The following EBF1 variants were observed in gnomAD, a reference collection of about 807,000 sequenced individuals.
EBF1 encodes the protein EBF transcription factor 1.
Under a neutral mutation model 68.4 loss-of-function variants are expected in EBF1, and 10 were observed. That is an observed-to-expected ratio of 0.15 (90% CI 0.09 to 0.25). The LOEUF (loss-of-function observed/expected upper bound fraction) is 0.25. Ranked by LOEUF, EBF1 falls within the 10% of genes least tolerant of loss-of-function variation. The probability of loss-of-function intolerance (pLI) is 1.00; values close to 1 mark genes in which losing one functional copy is unlikely to be tolerated. For synonymous variants in EBF1, 298 were observed against 299.8 expected (o/e 0.99, Z 0.06); for missense variants, 509 against 794.4 (o/e 0.64, Z 4.32).
chr5:158,939,292 G>A (rs1297774155), intron 6 of EBF1, among the ~76,000 whole-genome samples: 1 of 152,304 alleles, frequency 6.6e-6, no homozygotes, highest in East Asian at 1.9e-4. Context: ...GAAATAACCT[G>A]TGCTCCAAAG....
chr5:158,906,747 A>G (rs1238356362), intron 6 of EBF1, among the ~76,000 whole-genome samples: 7 of 152,222 alleles, frequency 4.6e-5, no homozygotes, highest in Non-Finnish European at 5.9e-5. Context: ...TATACCACAG[A>G]ACAATTTGCT....
chr5:158,890,632 T>C (rs1800983700), intron 6 of EBF1, among the ~76,000 whole-genome samples: 1 of 152,176 alleles, frequency 6.6e-6, no homozygotes, highest in Non-Finnish European at 1.5e-5. Context: ...ATACTTCTAT[T>C]TATACTTTTC....
At chr5:158,953,062 T>C (rs1816366922) in intron 6 of EBF1, among the ~76,000 whole-genome samples, 1 of 151,978 alleles carries the variant, frequency 6.6e-6, no homozygotes, top group Non-Finnish European at 1.5e-5. Flanking sequence ...AAATAGAAAG[T>C]AATTTGTTGC....
intron 11 of EBF1, among the ~76,000 whole-genome samples, chr5:158,721,770 G>A (rs1293367693): frequency 6.6e-6 from 1 of 152,062 alleles, no homozygotes; most frequent in Non-Finnish European, 1.5e-5. Context: ...TTCCTGCAAG[G>A]GGATCTCATA....
At position 158,812,372 on chromosome 5, in the gene EBF1, T is replaced by A. The variant is rs190504988; in HGVS notation, c.778+10804A>T. The stretch of plus-strand genomic sequence containing the variant: ...GTTGACAACTGGTGGCTACGTGGAG[T>A]CCCATTTCCTGGGTCGACCTAGCCC... On this transcript the variant is annotated intron_variant, in intron 8 of 15. Transcript: ENST00000313708. Among the ~76,000 whole-genome samples the A allele has an allele frequency of 3.3e-3, 505 of 151,966 alleles. 2 individuals carry two copies. The highest frequency in any genetic ancestry group is 6.2e-3 in the Non-Finnish European group (421 of 67,936).
At chr5:158,778,245 A>G (rs909451080) in intron 9 of EBF1, among the ~76,000 whole-genome samples, 1 of 152,160 alleles carries the variant, frequency 6.6e-6, no homozygotes, top group Non-Finnish European at 1.5e-5. Flanking sequence ...TACACCATGA[A>G]GCAGAATTTA....
chr5:159,049,103 G>A (rs1773019234), intron 6 of EBF1, among the ~76,000 whole-genome samples: 1 of 152,132 alleles, frequency 6.6e-6, no homozygotes, highest in African/African-American at 2.4e-5. Flanking sequence ...ATGCTAGCAG[G>A]TATTTATCAA....
At chr5:158,805,191 A>G (rs1781343687) in intron 8 of EBF1, among the ~76,000 whole-genome samples, 2 of 152,152 alleles carry the variant, frequency 1.3e-5, no homozygotes, top group South Asian at 4.1e-4. Context: ...TTTCAGGTTA[A>G]AAAAATATGC....
intron 6 of EBF1, among the ~76,000 whole-genome samples, chr5:158,932,453 A>G (rs1274096437): frequency 6.6e-6 from 1 of 152,244 alleles, no homozygotes; most frequent in Non-Finnish European, 1.5e-5. Flanking sequence ...AAAATAAAAG[A>G]GTAGAAAACA....
chr5:158,793,484 A>T (rs31863), intron 9 of EBF1, among the ~76,000 whole-genome samples: 3 of 151,706 alleles, frequency 2.0e-5, no homozygotes, highest in African/African-American at 4.8e-5. Flanking sequence ...ATGAAACCTC[A>T]TTTTTTTTCT....
intron 6 of EBF1, among the ~76,000 whole-genome samples, chr5:159,028,910 T>A (rs904391616): frequency 6.6e-6 from 1 of 152,192 alleles, no homozygotes; most frequent in Non-Finnish European, 1.5e-5. Flanking sequence ...CCAGTGAGGC[T>A]GGAGTGTGGC....
intron 6 of EBF1, among the ~76,000 whole-genome samples, chr5:158,979,739 C>A (rs1757528009): frequency 1.3e-5 from 2 of 150,336 alleles, no homozygotes; most frequent in East Asian, 1.9e-4. Context: ...TTTTCTAAAG[C>A]AAAAATTTCC....
At chr5:158,822,321 G>A (rs536398441) in intron 8 of EBF1, among the ~76,000 whole-genome samples, 2 of 150,140 alleles carry the variant, frequency 1.3e-5, no homozygotes, top group African/African-American at 4.9e-5. Context: ...TGGATAGATG[G>A]ATAGATGGAT....
intron 6 of EBF1, among the ~76,000 whole-genome samples, chr5:159,028,636 A>G (rs1207330207): frequency 6.6e-6 from 1 of 152,222 alleles, no homozygotes; most frequent in Non-Finnish European, 1.5e-5. Flanking sequence ...TGTTTTGTTC[A>G]CAGCTGTATC....
chr5:158,867,704 C>T (rs1008986472), intron 6 of EBF1, among the ~76,000 whole-genome samples: 13 of 152,136 alleles, frequency 8.5e-5, no homozygotes, highest in Non-Finnish European at 1.6e-4. Context: ...TTGGAGTGTA[C>T]CAAGACTTCC....
chr5:158,730,896 G>T (rs1049617306), intron 11 of EBF1, 173 bp downstream of exon 11: 6 of 582,200 alleles, frequency 1.0e-5, no homozygotes, highest in African/African-American at 5.6e-5. Context: ...GCACAGTGTT[G>T]CCTGGCACAT....
chr5:158,782,266 A>G (rs1435520519), intron 9 of EBF1, among the ~76,000 whole-genome samples: 1 of 152,110 alleles, frequency 6.6e-6, no homozygotes, highest in African/African-American at 2.4e-5. Context: ...TTAGCAGCCT[A>G]TTTTGCTTTG....
chr5:158,749,348 C>T (rs1229373540), intron 10 of EBF1, among the ~76,000 whole-genome samples: 1 of 152,070 alleles, frequency 6.6e-6, no homozygotes, highest in Non-Finnish European at 1.5e-5. Context: ...TATGCAATGC[C>T]ATCTCTTTAG....
intron 5 of EBF1, among the ~76,000 whole-genome samples, chr5:159,081,443 G>A (rs1019880284): frequency 6.6e-6 from 1 of 152,206 alleles, no homozygotes; most frequent in Non-Finnish European, 1.5e-5. Context: ...ACTATCTGCA[G>A]TTTCAGGCAT....
Sources: gnomAD v4.1 joint callset for allele counts (sites outside exome capture counted in the v4.1 genomes callset) on GRCh38, gnomAD v4.1.1 for gene constraint, MANE v1.5 for transcripts, NCBI Gene and HGNC (gene_info 2026-07-23, HGNC 2026-07-21) for gene names.